Variants in EXOC6 observed in about 807,000 individuals in gnomAD.
EXOC6 encodes exocyst complex component 6, also known as SEC15-like 1.
EXOC6 carries 60 observed loss-of-function variants against 112.5 expected under a neutral mutation model. The ratio of observed to expected loss-of-function variants is 0.53; its 90% CI spans 0.43 to 0.66. The LOEUF (loss-of-function observed/expected upper bound fraction) is 0.66, where lower values mean the gene tolerates loss of function less well. Among genes scored for constraint, EXOC6 ranks in the 30% least tolerant of loss-of-function variants. The pLI, the probability that EXOC6 is intolerant of heterozygous loss-of-function variation, is 0.00. For missense variants in EXOC6, 855 were observed against 957.1 expected, an observed-to-expected ratio of 0.89 and a Z score of 1.41; for synonymous variants, 295 against 308.0, an observed-to-expected ratio of 0.96 and a Z score of 0.44.
intron 13 of EXOC6, among the ~76,000 whole-genome samples, chr10:92,946,096 C>A (rs779475167): frequency 6.6e-6 from 1 of 151,552 alleles, no homozygotes; most frequent in East Asian, 1.9e-4. Context: ...TGAGACCATC[C>A]TGGCTAACAC....
intron 18 of EXOC6, among the ~76,000 whole-genome samples, chr10:92,987,457 T>C (rs983662653): frequency 9.2e-5 from 14 of 152,340 alleles, no homozygotes; most frequent in African/African-American, 2.9e-4. Context: ...TGGTCACATT[T>C]ATGTGATAGA....
At chr10:92,948,442 A>G in intron 14 of EXOC6, 63 bp downstream of exon 14, 1 of 916,142 alleles carries the variant, frequency 1.1e-6, no homozygotes, top group East Asian at 2.8e-5. Context: ...TTGTTACTAC[A>G]TAATATTAAA....
chr10:92,838,041 G>T (rs1013661770), intron 1 of EXOC6, among the ~76,000 whole-genome samples: 1 of 152,174 alleles, frequency 6.6e-6, no homozygotes, highest in East Asian at 1.9e-4. Flanking sequence ...GTTCATATCT[G>T]GGCCAGGTGG....
At chr10:92,849,502 C>A (rs913175567) in intron 1 of EXOC6, among the ~76,000 whole-genome samples, 2 of 152,114 alleles carry the variant, frequency 1.3e-5, no homozygotes, top group African/African-American at 4.8e-5. Flanking sequence ...GCACTGTCTT[C>A]AAGAATAAGT....
intron 1 of EXOC6, among the ~76,000 whole-genome samples, chr10:92,873,923 C>T (rs899873886): frequency 2.6e-5 from 4 of 151,838 alleles, no homozygotes; most frequent in Non-Finnish European, 5.9e-5. Flanking sequence ...TGTGTTGGTA[C>T]ATGCTTGTAA....
intron 13 of EXOC6, among the ~76,000 whole-genome samples, chr10:92,943,265 G>T (rs147973029): frequency 6.6e-6 from 1 of 152,012 alleles, no homozygotes; most frequent in African/African-American, 2.4e-5. Context: ...TGATGTACCC[G>T]CCTTGGCCTC....
intron 20 of EXOC6, among the ~76,000 whole-genome samples, chr10:93,019,260 G>A (rs1037222254): frequency 2.6e-5 from 4 of 152,096 alleles, no homozygotes; most frequent in Non-Finnish European, 2.9e-5. Flanking sequence ...GATTACAGGC[G>A]TGAGCCACCA....
chr10:92,936,770 G>C (rs1005669542), intron 12 of EXOC6, among the ~76,000 whole-genome samples: 1 of 152,070 alleles, frequency 6.6e-6, no homozygotes, highest in Non-Finnish European at 1.5e-5. Flanking sequence ...AATATTACGG[G>C]GTGGGGTGTG....
At position 93,034,681 on chromosome 10, in the gene EXOC6, C is replaced by T. The variant is rs149941965; in HGVS notation, c.2169+20414C>T. ...TTCTGTTTCTAATCTTAAGGCATCA[C>T]AACATACAATTCTTTTGCCACTGGT... On this transcript the variant is annotated intron_variant, in intron 20 of 21. Transcript: ENST00000260762. Among the ~76,000 whole-genome samples, 711 of 152,324 alleles carry T rather than the reference C, an allele frequency of 4.7e-3. 3 individuals are homozygous for T. Among genetic ancestry groups the T allele is most frequent in the Non-Finnish European group, 7.5e-3 (507 of 68,026 alleles).
At chr10:93,008,969 C>T (rs761440729) in intron 19 of EXOC6, among the ~76,000 whole-genome samples, 2 of 152,146 alleles carry the variant, frequency 1.3e-5, no homozygotes, top group Non-Finnish European at 2.9e-5. Context: ...CCTGTAATCT[C>T]AGCACTTCGA....
chr10:92,931,404 A>G (rs1193253092), intron 9 of EXOC6, among the ~76,000 whole-genome samples: 2 of 151,606 alleles, frequency 1.3e-5, no homozygotes, highest in Admixed American at 1.3e-4. Context: ...TTTAGTTGAC[A>G]TATAATAATT....
intron 8 of EXOC6, among the ~76,000 whole-genome samples, chr10:92,925,957 C>G (rs1939715188): frequency 6.6e-6 from 1 of 151,444 alleles, no homozygotes; most frequent in Non-Finnish European, 1.5e-5. Context: ...TGGAGTCAGA[C>G]TTTTCTTGAG....
intron 20 of EXOC6, among the ~76,000 whole-genome samples, chr10:93,024,812 C>T (rs889675851): frequency 6.6e-6 from 1 of 152,194 alleles, no homozygotes; most frequent in Admixed American, 6.5e-5. Context: ...GGGTTTATTA[C>T]ATGAAACATC....
chr10:92,888,517 C>T (rs1849342938), intron 1 of EXOC6, among the ~76,000 whole-genome samples: 1 of 152,090 alleles, frequency 6.6e-6, no homozygotes, highest in Non-Finnish European at 1.5e-5. Context: ...CCTTTATATC[C>T]ACAAAAGCAG....
chr10:92,901,193 G>C (rs1228409178), intron 5 of EXOC6: 1 of 152,168 alleles, frequency 6.6e-6, no homozygotes, highest in East Asian at 1.9e-4. Flanking sequence ...AAGTCTACCA[G>C]ATGTCTTTTG....
At chr10:92,832,489 G>T (rs1846519254), upstream of EXOC6, among the ~76,000 whole-genome samples, 1 of 152,048 alleles carries the variant, frequency 6.6e-6, no homozygotes. Flanking sequence ...TGTTGGCCAG[G>T]CCTGTCATGA....
At chr10:92,975,609 G>C (rs1842526966) in intron 18 of EXOC6, among the ~76,000 whole-genome samples, 3 of 146,194 alleles carry the variant, frequency 2.1e-5, no homozygotes, top group African/African-American at 7.6e-5. Context: ...CGTCCGGGAG[G>C]GAGGTTGGGG....
At chr10:92,882,119 TAA>T (rs368332235) in intron 1 of EXOC6, among the ~76,000 whole-genome samples, 303 of 152,336 alleles carry the variant, frequency 2.0e-3, no homozygotes, top group African/African-American at 7.0e-3. Context: ...GGGAAAATGT[TAA>T]GAGTACTGGA....
intron 19 of EXOC6, among the ~76,000 whole-genome samples, chr10:93,006,160 AAAAAC>A (rs1169043697): frequency 6.6e-6 from 1 of 152,022 alleles, no homozygotes; most frequent in Non-Finnish European, 1.5e-5. Context: ...ACCCTGTCTC[AAAAAC>A]AAAACAAAAC....
Sources: gnomAD v4.1 joint callset for allele counts (sites outside exome capture counted in the v4.1 genomes callset) on GRCh38, gnomAD v4.1.1 for gene constraint, MANE v1.5 for transcripts, NCBI Gene and HGNC (gene_info 2026-07-23, HGNC 2026-07-21) for gene names.